Variants in TRAF3 observed in about 807,000 individuals in gnomAD.
TRAF3 encodes TNF receptor-associated factor 3.
In TRAF3, 13 loss-of-function variants were observed where a neutral mutation model predicts 62.3. The ratio of observed to expected loss-of-function variants is 0.21; its 90% CI spans 0.14 to 0.33. TRAF3 has a LOEUF of 0.33. TRAF3 is among the 10% of genes least tolerant of loss of function. TRAF3 has a pLI of 1.00. For synonymous variants in TRAF3, 269 were observed against 283.4 expected (o/e 0.95, Z 0.51); for missense variants, 440 against 741.8 (o/e 0.59, Z 4.73).
rs754205802 is a variant in TRAF3 at position 102,886,281 on chromosome 14, C to T, written c.651+12C>T. Reference sequence around the variant, plus strand: ...TCCTGAGGAGCGAGGTAGGGGCGGCCGGGCCCGGCCGGGAGTCTGTGGAGT... The same window carrying T: ...TCCTGAGGAGCGAGGTAGGGGCGGCTGGGCCCGGCCGGGAGTCTGTGGAGT... On this transcript the variant is annotated intron_variant, in intron 7 of 11. Transcript: ENST00000392745. 54 of 1,586,666 alleles carry T rather than the reference C, an allele frequency of 3.4e-5. 3 individuals are homozygous for T. The South Asian group carries it at 4.2e-4, about 12-fold the overall frequency.
At chr14:102,867,045 G>GT (rs1269197852) in intron 2 of TRAF3, among the ~76,000 whole-genome samples, 3 of 152,202 alleles carry the variant, frequency 2.0e-5, no homozygotes, top group Non-Finnish European at 4.4e-5. Flanking sequence ...ACTGATAACT[G>GT]TAAGTGTTGG....
At chr14:102,819,943 T>C (rs1188468315) in intron 1 of TRAF3, among the ~76,000 whole-genome samples, 1 of 152,254 alleles carries the variant, frequency 6.6e-6, no homozygotes, top group Non-Finnish European at 1.5e-5. Context: ...GAAGGGATTA[T>C]GGACCTGTCT....
chr14:102,865,362 A>G (rs1887920997), intron 2 of TRAF3, among the ~76,000 whole-genome samples: 1 of 152,240 alleles, frequency 6.6e-6, no homozygotes, highest in African/African-American at 2.4e-5. Flanking sequence ...TCAATTTGAC[A>G]TAGTGGCTCA....
chr14:102,814,579 G>A (rs1364514220), intron 1 of TRAF3, among the ~76,000 whole-genome samples: 1 of 152,046 alleles, frequency 6.6e-6, no homozygotes, highest in Non-Finnish European at 1.5e-5. Context: ...GAGTGCAGTG[G>A]CATGATACAG....
chr14:102,834,044 T>A (rs1417773410), intron 2 of TRAF3, among the ~76,000 whole-genome samples: 1 of 150,568 alleles, frequency 6.6e-6, no homozygotes, highest in Non-Finnish European at 1.5e-5. Context: ...ATTTACAGAC[T>A]CTCTGCTATT....
intron 1 of TRAF3, among the ~76,000 whole-genome samples, chr14:102,784,915 C>T (rs1467629288): frequency 6.6e-6 from 1 of 152,140 alleles, no homozygotes; most frequent in African/African-American, 2.4e-5. Flanking sequence ...TCTCCTGTGG[C>T]TGTCCTTCAG....
At chr14:102,874,627 A>G (rs978192392) in intron 4 of TRAF3, among the ~76,000 whole-genome samples, 1 of 150,828 alleles carries the variant, frequency 6.6e-6, no homozygotes, top group African/African-American at 2.5e-5. Context: ...ATAAAATTAA[A>G]AGTTGAAAGG....
intron 1 of TRAF3, among the ~76,000 whole-genome samples, chr14:102,824,363 A>G (rs1010446549): frequency 3.9e-5 from 6 of 152,202 alleles, no homozygotes; most frequent in African/African-American, 1.4e-4. Context: ...CTTATCCTGT[A>G]TAGATTTTTG....
chr14:102,870,501 C>G, intron 3 of TRAF3, 55 bp downstream of exon 3: 1 of 1,601,336 alleles, frequency 6.2e-7, no homozygotes, highest in Non-Finnish European at 8.5e-7. Context: ...TCGGCCTCAC[C>G]CTCTCCTTCA....
At chr14:102,846,025 G>T (rs1595357839) in intron 2 of TRAF3, among the ~76,000 whole-genome samples, 1 of 145,194 alleles carries the variant, frequency 6.9e-6, no homozygotes, top group African/African-American at 2.5e-5. Flanking sequence ...TTATACCGCT[G>T]TTCAGTTAGC....
intron 6 of TRAF3, among the ~76,000 whole-genome samples, chr14:102,878,299 GCA>G (rs1358656379): frequency 1.3e-5 from 2 of 150,716 alleles, no homozygotes; most frequent in African/African-American, 4.9e-5. Context: ...GGTTACTTTG[GCA>G]CAGTTTTGCA....
intron 2 of TRAF3, among the ~76,000 whole-genome samples, chr14:102,852,878 T>C (rs1180111442): frequency 6.6e-6 from 1 of 151,814 alleles, no homozygotes; most frequent in Non-Finnish European, 1.5e-5. Context: ...ATTTTTATTT[T>C]ATTTTTATAT....
chr14:102,886,281 C>A lies in TRAF3; in HGVS notation c.651+12C>A. On this transcript the variant is annotated intron_variant, in intron 7 of 11. Transcript: ENST00000392745. The stretch of plus-strand genomic sequence containing the variant: ...TCCTGAGGAGCGAGGTAGGGGCGGC[C>A]GGGCCCGGCCGGGAGTCTGTGGAGT... The A allele has an allele frequency of 1.3e-6, 2 of 1,586,666 alleles. No individual in the cohort carries two copies. Among genetic ancestry groups the A allele is most frequent in the South Asian group, 1.1e-5 (1 of 90,070 alleles).
intron 4 of TRAF3, among the ~76,000 whole-genome samples, chr14:102,873,612 G>A (rs1265422166): frequency 2.0e-5 from 3 of 152,148 alleles, no homozygotes; most frequent in Non-Finnish European, 4.4e-5. Context: ...TCTGGGCCCC[G>A]GGTGACCCGG....
chr14:102,803,885 G>A (rs114940730), intron 1 of TRAF3, among the ~76,000 whole-genome samples: 24 of 152,310 alleles, frequency 1.6e-4, no homozygotes, highest in African/African-American at 5.5e-4. Flanking sequence ...CTTTGAGGAG[G>A]TGACCCTATG....
chr14:102,782,584 C>T (rs528195470), intron 1 of TRAF3, among the ~76,000 whole-genome samples: 24 of 152,148 alleles, frequency 1.6e-4, no homozygotes, highest in Non-Finnish European at 3.1e-4. Flanking sequence ...CCTCTGTCAT[C>T]CATGTTTAAA....
intron 6 of TRAF3, among the ~76,000 whole-genome samples, chr14:102,877,473 C>T (rs1309245788): frequency 6.7e-6 from 1 of 148,870 alleles, no homozygotes; most frequent in African/African-American, 2.5e-5. Flanking sequence ...ATAATCCATT[C>T]CACAGGCCTT....
chr14:102,906,016 A>G lies in TRAF3; in HGVS notation c.*232A>G, dbSNP rs541606664. On this transcript the variant is annotated 3_prime_UTR_variant, in exon 12 of 12. Coordinates refer to ENST00000392745, the MANE Select transcript of TRAF3 (RefSeq NM_145725.3). ...TTATTTATCCTTCAACAAGATAAAT[A>G]TTGCTGTCAGAGAAGGTTTTCATTT... The G allele has an allele frequency of 4.3e-6, 2 of 461,414 alleles. No individual in the cohort carries two copies. Among genetic ancestry groups the G allele is most frequent in the Non-Finnish European group, 7.6e-6 (2 of 261,684 alleles). The allele number at this position is 461,414 out of a possible 1,614,324, so 28.6% of individuals were successfully genotyped here.
intron 1 of TRAF3, among the ~76,000 whole-genome samples, chr14:102,789,633 A>G (rs894229993): frequency 1.3e-5 from 2 of 150,440 alleles, no homozygotes; most frequent in Non-Finnish European, 1.5e-5. Flanking sequence ...TGGTATGTGT[A>G]TATGTATGTA....
Sources: gnomAD v4.1 joint callset for allele counts (sites outside exome capture counted in the v4.1 genomes callset) on GRCh38, gnomAD v4.1.1 for gene constraint, MANE v1.5 for transcripts, NCBI Gene and HGNC (gene_info 2026-07-23, HGNC 2026-07-21) for gene names.